TMEFF1: variants seen among roughly 807,000 people sequenced by gnomAD.
TMEFF1 encodes tomoregulin-1.
TMEFF1 carries 20 observed loss-of-function variants against 47.5 expected under a neutral mutation model. The ratio of observed to expected loss-of-function variants is 0.42; its 90% CI spans 0.30 to 0.61. The LOEUF (loss-of-function observed/expected upper bound fraction) is 0.61. Among genes scored for constraint, TMEFF1 ranks in the 20% least tolerant of loss-of-function variants. The pLI is 0.19. For synonymous variants in TMEFF1, 162 were observed against 166.3 expected, an observed-to-expected ratio of 0.97 and a Z score of 0.20; for missense variants, 411 against 471.1, an observed-to-expected ratio of 0.87 and a Z score of 1.18.
In TMEFF1 at chr9:100,508,887, C is replaced by A. The variant is rs1175911793; in HGVS notation, c.307-118C>A. ...TTTTTAAGCCAAAAAAAAAAAAAAA[C>A]CCCAGACTATTCAGTAGCGAAGTAT... On this transcript the variant is annotated intron_variant, in intron 2 of 9. Transcript: ENST00000374879. 1,221 of 893,710 alleles carry A rather than the reference C, an allele frequency of 1.4e-3. 1 individual carries two copies. Among genetic ancestry groups the A allele is most frequent in the East Asian group, 0.012 (278 of 22,868 alleles). The allele number at this position is 893,710 out of a possible 1,614,324, so 55.4% of individuals were successfully genotyped here.
intron 1 of TMEFF1, among the ~76,000 whole-genome samples, chr9:100,488,416 A>G (rs899030493): frequency 3.3e-5 from 5 of 152,124 alleles, no homozygotes; most frequent in Admixed American, 2.0e-4. Flanking sequence ...TTTTTCTTTT[A>G]TATCTGTTAT....
chr9:100,504,865 C>T (rs548621312), intron 2 of TMEFF1, among the ~76,000 whole-genome samples: 42 of 152,210 alleles, frequency 2.8e-4, no homozygotes, highest in Admixed American at 1.2e-3. Flanking sequence ...GATTCTCAGC[C>T]CTATCAGAAT....
intron 5 of TMEFF1, among the ~76,000 whole-genome samples, chr9:100,546,529 G>T (rs1002647689): frequency 6.6e-6 from 1 of 151,850 alleles, no homozygotes; most frequent in Non-Finnish European, 1.5e-5. Flanking sequence ...CATCAGGCCT[G>T]CAAAGCCAAA....
Position 100,547,756 on chromosome 9 carries a change from T to C in TMEFF1, c.573T>C (p.Asn191=). The change falls in exon 6 of 10, where the codon AAT becomes AAC. Residue 191 remains asparagine (N), a synonymous_variant. Coordinates refer to ENST00000374879, the MANE Select transcript of TMEFF1 (RefSeq NM_003692.5). ...EDAENVGCVC[N]IDCSGYSFNP... is the part of the protein sequence containing the mutation. ...TCTTTTCCAACAGGTGTGTATGTAA[T>C]ATAGATTGCAGTGGATACAGTTTTA... 2 of 1,588,284 alleles carry C rather than the reference T, an allele frequency of 1.3e-6. No homozygotes were observed. The highest frequency in any genetic ancestry group is 1.8e-5 in the Admixed American group (1 of 55,018).
rs758226178 is a variant in TMEFF1, at chr9:100,550,097, A to G, written c.712A>G (p.Thr238Ala). The G allele has an allele frequency of 3.7e-6, 6 of 1,610,830 alleles. No individual in the cohort carries two copies. In the African/African-American group the frequency reaches 8.0e-5, roughly 22 times the overall value. Reference sequence around the variant, plus strand: ...TTGAAAACCGTCTTCTCTTACAGATACAGATGACACTAGTTTGTTGGGAAA... The same window carrying G: ...TTGAAAACCGTCTTCTCTTACAGATGCAGATGACACTAGTTTGTTGGGAAA... ...DIRHLGHCTD[T>A]DDTSLLGKKD... Residue 238 changes from threonine (T) to alanine (A), a missense_variant and splice_region_variant, in exon 7 of 10, where the codon ACA becomes GCA. Coordinates refer to ENST00000374879, the MANE Select transcript of TMEFF1 (RefSeq NM_003692.5).
intron 5 of TMEFF1, among the ~76,000 whole-genome samples, chr9:100,521,199 G>T (rs1838154678): frequency 6.6e-6 from 1 of 152,192 alleles, no homozygotes; most frequent in Admixed American, 6.5e-5. Context: ...TATCTGTCTT[G>T]TCTGCTCAAT....
chr9:100,516,482 C>A (rs1283951602), intron 4 of TMEFF1, among the ~76,000 whole-genome samples, 193 bp from the exon 5 acceptor site: 1 of 152,136 alleles, frequency 6.6e-6, no homozygotes, highest in South Asian at 2.1e-4. Flanking sequence ...AACTTGTTTT[C>A]CTCACAAAAT....
At chr9:100,487,867 C>G (rs16919142) in intron 1 of TMEFF1, among the ~76,000 whole-genome samples, 2,755 of 151,926 alleles carry the variant, frequency 0.018, 79 homozygotes, top group African/African-American at 0.062. Context: ...ATTGGAACCC[C>G]AAGTCTGGAA....
chr9:100,536,665 G>A (rs1417765492), intron 5 of TMEFF1, among the ~76,000 whole-genome samples: 1 of 152,156 alleles, frequency 6.6e-6, no homozygotes, highest in East Asian at 1.9e-4. Context: ...GTTAGTAAGA[G>A]CATGCTAAAT....
intron 5 of TMEFF1, among the ~76,000 whole-genome samples, chr9:100,531,699 G>A (rs1179352980): frequency 6.6e-6 from 1 of 152,040 alleles, no homozygotes; most frequent in Non-Finnish European, 1.5e-5. Context: ...TCCCCATCAA[G>A]CTACCAATGC....
chr9:100,500,951 A>G (rs932085427), intron 2 of TMEFF1, among the ~76,000 whole-genome samples: 17 of 152,208 alleles, frequency 1.1e-4, no homozygotes, highest in Non-Finnish European at 2.2e-4. Context: ...CACTGGGGCT[A>G]CTTGGAGTCT....
chr9:100,506,250 A>G (rs1254962569), intron 2 of TMEFF1, among the ~76,000 whole-genome samples: 1 of 152,214 alleles, frequency 6.6e-6, no homozygotes, highest in East Asian at 1.9e-4. Context: ...AGAAAAATAG[A>G]GAAATATGGA....
rs1433986425 is a variant in TMEFF1, at chr9:100,529,322, T to A, written c.560+12551T>A. 2.6e-5 allele frequency among the ~76,000 whole-genome samples: 4 copies of A among 151,564 alleles called. No individual in the cohort carries two copies. The East Asian group carries it at 5.8e-4, about 22-fold the overall frequency. On this transcript the variant is annotated intron_variant, in intron 5 of 9. Transcript: ENST00000374879. ...AAATTGGATAAAGAGTCAAGACTCATCAGTGTGCTGTATTCAGGAAACCCA... is the reference window on the plus strand; with the variant it reads ...AAATTGGATAAAGAGTCAAGACTCAACAGTGTGCTGTATTCAGGAAACCCA...
At chr9:100,509,996 G>A (rs953940126) in intron 3 of TMEFF1, among the ~76,000 whole-genome samples, 1 of 152,162 alleles carries the variant, frequency 6.6e-6, no homozygotes, top group African/African-American at 2.4e-5. Flanking sequence ...TGCCGGTGAG[G>A]TAACTTGAAT....
At chr9:100,541,359 T>TTTC (rs1369343568) in intron 5 of TMEFF1, among the ~76,000 whole-genome samples, 54 of 149,028 alleles carry the variant, frequency 3.6e-4, no homozygotes, top group African/African-American at 1.2e-3. Context: ...TTTTTTTTTT[T>TTTC]TTTCTTTCTT....
At chr9:100,547,415 A>G (rs1036997008) in intron 5 of TMEFF1, among the ~76,000 whole-genome samples, 5 of 152,182 alleles carry the variant, frequency 3.3e-5, no homozygotes, top group African/African-American at 1.2e-4. Context: ...TAGATTTGTG[A>G]CTATTGACTC....
chr9:100,512,349 C>T (rs1430143405), intron 3 of TMEFF1, among the ~76,000 whole-genome samples: 6 of 152,070 alleles, frequency 3.9e-5, no homozygotes, highest in African/African-American at 7.2e-5. Flanking sequence ...CTAATTCCTC[C>T]TGTTTCTGTG....
intron 7 of TMEFF1, among the ~76,000 whole-genome samples, chr9:100,554,927 A>G (rs1838888484): frequency 6.6e-6 from 1 of 151,706 alleles, no homozygotes; most frequent in Non-Finnish European, 1.5e-5. Context: ...GCTAATAGCA[A>G]CTCCTCATGC....
At chr9:100,494,505 G>A (rs1347878956) in intron 1 of TMEFF1, among the ~76,000 whole-genome samples, 1 of 152,266 alleles carries the variant, frequency 6.6e-6, no homozygotes, top group Non-Finnish European at 1.5e-5. Flanking sequence ...GCGGTGTGGT[G>A]ATTTTATGAT....
Sources: allele counts gnomAD v4.1 joint callset (sites outside exome capture counted in the v4.1 genomes callset), GRCh38; gene constraint gnomAD v4.1.1; transcripts MANE v1.5; gene names NCBI Gene and HGNC (gene_info 2026-07-23, HGNC 2026-07-21).